The following COMMD1 variants were observed in gnomAD, a reference collection of about 807,000 sequenced individuals.
The protein encoded by COMMD1 is COMM domain-containing protein 1.
COMMD1 carries 10 observed loss-of-function variants against 17.2 expected under a neutral mutation model. The observed-to-expected ratio is 0.58, with a 90% CI of 0.36 to 0.99. The LOEUF (loss-of-function observed/expected upper bound fraction) is 0.99. COMMD1 is among the 50% of genes least tolerant of loss of function. The pLI, the probability that COMMD1 is intolerant of heterozygous loss-of-function variation, is 0.01. For synonymous variants in COMMD1, 97 were observed against 91.6 expected, an observed-to-expected ratio of 1.06 and a Z score of -0.34; for missense variants, 270 against 231.8, an observed-to-expected ratio of 1.17 and a Z score of -1.07.
intron 1 of COMMD1, among the ~76,000 whole-genome samples, chr2:61,954,061 T>TA (rs1405470895): frequency 6.6e-6 from 1 of 151,732 alleles, no homozygotes; most frequent in Non-Finnish European, 1.5e-5. Flanking sequence ...CTACTAAAAA[T>TA]AAAAAAATTA....
At chr2:61,967,867 T>A (rs1671544207) in intron 1 of COMMD1, among the ~76,000 whole-genome samples, 1 of 152,192 alleles carries the variant, frequency 6.6e-6, no homozygotes. Flanking sequence ...TTTGCTCTAT[T>A]TTAAGAAAAT....
In COMMD1 at chr2:61,916,063, C is replaced by T. The variant is rs185453234; in HGVS notation, c.180+10205C>T. On this transcript the variant is annotated intron_variant, in intron 1 of 2. Coordinates refer to ENST00000311832, the MANE Select transcript of COMMD1 (RefSeq NM_152516.4). ...ATGGTTTACTGCAGTCTTGACCTGT[C>T]GGGCTCAAGTGATTCTCCCACCTGA... Among the ~76,000 whole-genome samples, 82 of 151,788 alleles carry T rather than the reference C, an allele frequency of 5.4e-4. No individual in the cohort carries two copies. In the Middle Eastern group the frequency reaches 0.01, roughly 19 times the overall value.
At chr2:61,907,086 CT>C (rs1394358524) in intron 1 of COMMD1, among the ~76,000 whole-genome samples, 1 of 152,166 alleles carries the variant, frequency 6.6e-6, no homozygotes, top group Non-Finnish European at 1.5e-5. Context: ...TCATAAATCA[CT>C]AGTGAATGCT....
chr2:62,094,006 C>A (rs1671920784), intron 2 of COMMD1, among the ~76,000 whole-genome samples: 1 of 152,176 alleles, frequency 6.6e-6, no homozygotes, highest in Non-Finnish European at 1.5e-5. Flanking sequence ...GATGGTGTAT[C>A]CTGCCCAGTA....
At chr2:61,979,890 C>T (rs1325073876) in intron 1 of COMMD1, among the ~76,000 whole-genome samples, 2 of 117,798 alleles carry the variant, frequency 1.7e-5, no homozygotes, top group Non-Finnish European at 3.5e-5. Context: ...CAATGCTATC[C>T]CTCCCCCCTC....
chr2:62,043,756 T>C (rs1288762312), intron 2 of COMMD1, among the ~76,000 whole-genome samples: 1 of 152,266 alleles, frequency 6.6e-6, no homozygotes, highest in East Asian at 1.9e-4. Flanking sequence ...GGATCTTGTA[T>C]AAATTTACAA....
At chr2:62,064,748 T>C (rs1670977895) in intron 2 of COMMD1, among the ~76,000 whole-genome samples, 1 of 152,216 alleles carries the variant, frequency 6.6e-6, no homozygotes, top group Non-Finnish European at 1.5e-5. Context: ...TTTAGCCATT[T>C]ATTTCAAAAG....
At chr2:61,948,105 T>C (rs1670958429) in intron 1 of COMMD1, among the ~76,000 whole-genome samples, 2 of 152,124 alleles carry the variant, frequency 1.3e-5, no homozygotes, top group African/African-American at 4.8e-5. Flanking sequence ...TGAAGACATA[T>C]CTTTTAATAA....
At chr2:62,083,022 G>T (rs1159375226) in intron 2 of COMMD1, among the ~76,000 whole-genome samples, 1 of 152,150 alleles carries the variant, frequency 6.6e-6, no homozygotes, top group Non-Finnish European at 1.5e-5. Context: ...ACTTTGAGAG[G>T]CTGAGGCAGG....
At chr2:61,927,890 G>T (rs529387439) in intron 1 of COMMD1, among the ~76,000 whole-genome samples, 4 of 151,672 alleles carry the variant, frequency 2.6e-5, no homozygotes, top group African/African-American at 7.3e-5. Flanking sequence ...TCCGCCTCTC[G>T]AGTAGCTGGG....
intron 2 of COMMD1, among the ~76,000 whole-genome samples, chr2:62,003,536 G>A (rs1358060278): frequency 7.0e-6 from 1 of 143,276 alleles, no homozygotes; most frequent in Admixed American, 7.0e-5. Context: ...GTGAGACTCC[G>A]TCTCAAAAAA....
chr2:61,973,350 C>G (rs1671703257), intron 1 of COMMD1, among the ~76,000 whole-genome samples: 1 of 152,138 alleles, frequency 6.6e-6, no homozygotes, highest in Admixed American at 6.5e-5. Flanking sequence ...TAGATAATCT[C>G]CAAAATGTTA....
At chr2:62,020,362 C>T (rs923148207) in intron 2 of COMMD1, among the ~76,000 whole-genome samples, 1 of 152,176 alleles carries the variant, frequency 6.6e-6, no homozygotes, top group African/African-American at 2.4e-5. Flanking sequence ...TGGCTCTTAG[C>T]TCGTCCTTCT....
intron 2 of COMMD1, among the ~76,000 whole-genome samples, chr2:62,026,843 G>C (rs1180440166): frequency 6.6e-6 from 1 of 152,068 alleles, no homozygotes; most frequent in Non-Finnish European, 1.5e-5. Context: ...GAAAATTAAA[G>C]ATAATATATA....
chr2:62,071,388 T>A (rs1035838424), intron 2 of COMMD1, among the ~76,000 whole-genome samples: 1 of 152,210 alleles, frequency 6.6e-6, no homozygotes, highest in Non-Finnish European at 1.5e-5. Context: ...TTTCACCACA[T>A]GCTGTTTTGT....
chr2:62,000,644 T>C, intron 1 of COMMD1, 57 bp from the exon 2 acceptor site: 1 of 1,514,758 alleles, frequency 6.6e-7, no homozygotes, highest in Non-Finnish European at 9.2e-7. Flanking sequence ...TAAGAAGCTA[T>C]CTTTTTCTAA....
chr2:61,895,747 G>A (rs563691674), intron 1 of COMMD1, among the ~76,000 whole-genome samples: 3 of 152,254 alleles, frequency 2.0e-5, no homozygotes, highest in East Asian at 1.9e-4. Flanking sequence ...AGTACTGCCT[G>A]CCCAAGGACT....
chr2:61,956,735 C>A (rs936344413), intron 1 of COMMD1, among the ~76,000 whole-genome samples: 1 of 149,560 alleles, frequency 6.7e-6, no homozygotes, highest in Non-Finnish European at 1.5e-5. Context: ...TGAAAGAAAG[C>A]GCATAGTTTT....
At chr2:62,017,744 A>G (rs1206664501) in intron 2 of COMMD1, among the ~76,000 whole-genome samples, 1 of 151,758 alleles carries the variant, frequency 6.6e-6, no homozygotes, top group East Asian at 1.9e-4. Flanking sequence ...TTCTTTAAAA[A>G]CGCTGACTTC....
Sources: gnomAD v4.1 joint callset for allele counts (sites outside exome capture counted in the v4.1 genomes callset) on GRCh38, gnomAD v4.1.1 for gene constraint, MANE v1.5 for transcripts, NCBI Gene and HGNC (gene_info 2026-07-23, HGNC 2026-07-21) for gene names.